Variants in ARHGEF38 observed in about 807,000 individuals in gnomAD.
ARHGEF38 encodes Rho guanine nucleotide exchange factor (GEF) 38.
A neutral mutation model predicts 79.9 loss-of-function variants in ARHGEF38; 79 were observed. The observed-to-expected ratio is 0.99, with a 90% CI of 0.82 to 1.19. ARHGEF38 has a LOEUF of 1.19. ARHGEF38 is among the 50% of genes most tolerant of loss of function. ARHGEF38 has a pLI of 0.00. For missense variants in ARHGEF38, 962 were observed against 907.2 expected (o/e 1.06, Z -0.78); for synonymous variants, 366 against 328.3 (o/e 1.11, Z -1.24).
chr4:105,668,406 T>C (rs1730836150), intron 13 of ARHGEF38, among the ~76,000 whole-genome samples: 1 of 152,008 alleles, frequency 6.6e-6, no homozygotes, highest in South Asian at 2.1e-4. Context: ...GACTGGTCTA[T>C]ACTGAAACTT....
intron 4 of ARHGEF38, chr4:105,631,778 G>A (rs1019903665): frequency 1.4e-6 from 1 of 731,466 alleles, no homozygotes; most frequent in Non-Finnish European, 1.7e-6. Context: ...AAATGGAATT[G>A]GTATCTTTCT....
intron 1 of ARHGEF38, among the ~76,000 whole-genome samples, chr4:105,553,329 C>G (rs1165325102): frequency 2.6e-5 from 4 of 152,102 alleles, no homozygotes; most frequent in Admixed American, 2.0e-4. Context: ...GATTGTTTAT[C>G]TCAATGGGTA....
chr4:105,654,741 G>GAA (rs1463517250), intron 8 of ARHGEF38, among the ~76,000 whole-genome samples: 3 of 152,150 alleles, frequency 2.0e-5, no homozygotes, highest in Admixed American at 1.3e-4. Context: ...ATGCTCGGTA[G>GAA]AAAAACCAGT....
intron 5 of ARHGEF38, among the ~76,000 whole-genome samples, chr4:105,638,430 C>T (rs1184332524): frequency 6.6e-6 from 1 of 152,014 alleles, no homozygotes; most frequent in African/African-American, 2.4e-5. Flanking sequence ...TTTATGCTTT[C>T]ACTCTTTTTT....
intron 13 of ARHGEF38, among the ~76,000 whole-genome samples, chr4:105,668,935 A>G (rs1730864025): frequency 6.6e-6 from 1 of 152,102 alleles, no homozygotes; most frequent in African/African-American, 2.4e-5. Context: ...AGTCCCAGCT[A>G]CTGGAGAGGC....
intron 2 of ARHGEF38, among the ~76,000 whole-genome samples, chr4:105,605,274 C>CT (rs1050489292): frequency 1.3e-5 from 2 of 152,024 alleles, no homozygotes; most frequent in Admixed American, 6.6e-5. Flanking sequence ...TTCTGTTGGA[C>CT]TTTTTTTTAA....
chr4:105,649,454 A>C (rs1578346555), intron 7 of ARHGEF38, among the ~76,000 whole-genome samples: 1 of 152,230 alleles, frequency 6.6e-6, no homozygotes, highest in African/African-American at 2.4e-5. Context: ...TTTTAAAGTA[A>C]GTTATCAACA....
chr4:105,576,150 G>T (rs1320123647), intron 1 of ARHGEF38, among the ~76,000 whole-genome samples: 1 of 152,048 alleles, frequency 6.6e-6, no homozygotes, highest in Non-Finnish European at 1.5e-5. Context: ...GGTTCCATAT[G>T]AATTTTAGGA....
At chr4:105,564,018 T>TA (rs1350685065) in intron 1 of ARHGEF38, among the ~76,000 whole-genome samples, 3 of 152,180 alleles carry the variant, frequency 2.0e-5, no homozygotes, top group Non-Finnish European at 4.4e-5. Context: ...ACAGAGTACT[T>TA]ACCTGGATTA....
At chr4:105,562,868 G>A (rs930720701) in intron 1 of ARHGEF38, among the ~76,000 whole-genome samples, 1 of 152,162 alleles carries the variant, frequency 6.6e-6, no homozygotes, top group Non-Finnish European at 1.5e-5. Context: ...AAGGACATAA[G>A]CCTGGGCACA....
chr4:105,578,523 T>C (rs1326867956), intron 1 of ARHGEF38, among the ~76,000 whole-genome samples: 1 of 152,186 alleles, frequency 6.6e-6, no homozygotes, highest in Non-Finnish European at 1.5e-5. Context: ...AGTGGAGTAT[T>C]GAATTTTCCC....
chr4:105,650,740 T>C (rs1730065616), intron 7 of ARHGEF38, among the ~76,000 whole-genome samples: 2 of 152,338 alleles, frequency 1.3e-5, no homozygotes, highest in African/African-American at 4.8e-5. Context: ...AACATGTACA[T>C]TCTTAGAACA....
intron 13 of ARHGEF38, among the ~76,000 whole-genome samples, chr4:105,669,917 T>C (rs1252068023): frequency 1.3e-5 from 2 of 152,216 alleles, no homozygotes; most frequent in Non-Finnish European, 2.9e-5. Flanking sequence ...AGCTGCTTTT[T>C]TTCACTTAGC....
chr4:105,648,742 G>A, intron 7 of ARHGEF38, 60 bp downstream of exon 7: 4 of 1,447,948 alleles, frequency 2.8e-6, no homozygotes, highest in Non-Finnish European at 3.6e-6. Flanking sequence ...AGATATTTTT[G>A]TGAGGTTTTG....
At chr4:105,577,351 G>A (rs1324775466) in intron 1 of ARHGEF38, among the ~76,000 whole-genome samples, 1 of 148,078 alleles carries the variant, frequency 6.8e-6, no homozygotes, top group Non-Finnish European at 1.5e-5. Context: ...AATACGCGGT[G>A]TTTGGTTTTT....
chr4:105,630,021 G>A (rs890189573), intron 3 of ARHGEF38, among the ~76,000 whole-genome samples: 2 of 152,064 alleles, frequency 1.3e-5, no homozygotes, highest in African/African-American at 4.8e-5. Context: ...CACCTTCTGT[G>A]TCTCTTATAA....
At position 105,628,371 on chromosome 4, in the gene ARHGEF38, C is replaced by T. The variant is rs76803757; in HGVS notation, c.509-2527C>T. 6.8e-3 allele frequency among the ~76,000 whole-genome samples: 1,041 copies of T among 152,306 alleles called. 18 individuals carry two copies. Among genetic ancestry groups the T allele is most frequent in the African/African-American group, 0.024 (1,007 of 41,564 alleles). The stretch of plus-strand genomic sequence containing the variant: ...CTAAGTCTGTGATCTAAGCCTGTCA[C>T]CAGTCCCACTTCTGGGCCCTCCCAG... On this transcript the variant is annotated intron_variant, in intron 3 of 13. Coordinates refer to ENST00000420470, the MANE Select transcript of ARHGEF38 (RefSeq NM_001242729.2).
At position 105,667,292 on chromosome 4, in the gene ARHGEF38, T is replaced by G; in HGVS notation, c.1853T>G (p.Leu618Arg). ...LVAVIEQKDP[L>R]GSTSRWLVDT... ...GCTGTGATAGAACAGAAAGATCCAC[T>G]GGGGAGTACAAGCAGGTGGCTTGTG... The change falls in exon 12 of 14, where the codon CTG (leucine) becomes CGG (arginine). Residue 618 changes from leucine (L) to arginine (R), a missense_variant. Physicochemically the swap from Leu to Arg is moderately radical, Grantham distance 102 (BLOSUM62 -2). Coordinates refer to ENST00000420470, the MANE Select transcript of ARHGEF38 (RefSeq NM_001242729.2). 3 of 1,536,174 alleles carry G rather than the reference T, an allele frequency of 2.0e-6. No homozygotes were observed. In the African/African-American group the frequency reaches 4.1e-5, roughly 21 times the overall value.
At chr4:105,652,859 T>C (rs1166103440) in intron 7 of ARHGEF38, among the ~76,000 whole-genome samples, 1 of 152,192 alleles carries the variant, frequency 6.6e-6, no homozygotes, top group African/African-American at 2.4e-5. Flanking sequence ...GCTTTGTAGA[T>C]AAACAATATT....
Sources: gnomAD v4.1 joint callset for allele counts (sites outside exome capture counted in the v4.1 genomes callset) on GRCh38, gnomAD v4.1.1 for gene constraint, MANE v1.5 for transcripts, NCBI Gene and HGNC (gene_info 2026-07-23, HGNC 2026-07-21) for gene names.